The following TMPRSS11F variants were observed in gnomAD, a reference collection of about 807,000 sequenced individuals.
TMPRSS11F encodes transmembrane serine protease 11F.
Under a neutral mutation model 60.2 loss-of-function variants are expected in TMPRSS11F, and 47 were observed. That is an observed-to-expected ratio of 0.78 (90% CI 0.62 to 1.00). The LOEUF is 1.00. Among genes scored for constraint, TMPRSS11F ranks in the 50% least tolerant of loss-of-function variants. The probability of loss-of-function intolerance (pLI) is 0.00; values close to 1 mark genes in which losing one functional copy is unlikely to be tolerated. For synonymous variants in TMPRSS11F, 166 were observed against 167.3 expected (o/e 0.99, Z 0.06); for missense variants, 519 against 522.9 (o/e 0.99, Z 0.07).
chr4:68,106,720 G>A (rs1180541976), intron 1 of TMPRSS11F, among the ~76,000 whole-genome samples: 1 of 152,142 alleles, frequency 6.6e-6, no homozygotes, highest in Non-Finnish European at 1.5e-5. Flanking sequence ...GGCAGAAATT[G>A]CATAGCATCC....
chr4:68,128,392 C>T (rs568232893), intron 1 of TMPRSS11F, among the ~76,000 whole-genome samples: 1 of 152,106 alleles, frequency 6.6e-6, no homozygotes, highest in African/African-American at 2.4e-5. Context: ...GTGCTATGTA[C>T]CCCATAAATA....
intron 3 of TMPRSS11F, 120 bp from the exon 4 acceptor site, chr4:68,074,129 G>T (rs1290344529): frequency 3.7e-6 from 2 of 545,886 alleles, no homozygotes; most frequent in Non-Finnish European, 6.1e-6. Context: ...TAGAGACTTG[G>T]GCAAAAAAAT....
At chr4:68,062,489 A>C in intron 8 of TMPRSS11F, 1 of 691,074 alleles carries the variant, frequency 1.4e-6, no homozygotes, top group East Asian at 2.8e-5. Flanking sequence ...AGAAACAGTA[A>C]TGTTGTAATT....
At chr4:68,061,996 CTA>C (rs1372444701) in intron 8 of TMPRSS11F, 4 of 453,048 alleles carry the variant, frequency 8.8e-6, no homozygotes, top group African/African-American at 2.0e-5. Flanking sequence ...CACAATGAAA[CTA>C]AGTGCACAAA....
chr4:68,092,679 C>A (rs1023116358), intron 2 of TMPRSS11F, among the ~76,000 whole-genome samples: 2 of 151,882 alleles, frequency 1.3e-5, no homozygotes, highest in Admixed American at 6.6e-5. Context: ...AGCTATTTCT[C>A]AAGGCACATC....
intron 3 of TMPRSS11F, chr4:68,080,089 C>T (rs1723660974): frequency 6.6e-6 from 1 of 152,230 alleles, no homozygotes; most frequent in Non-Finnish European, 1.5e-5. Flanking sequence ...AAAACACCAA[C>T]AAAACTGATT....
chr4:68,094,423 T>G, intron 2 of TMPRSS11F, among the ~76,000 whole-genome samples: 1 of 122,320 alleles, frequency 8.2e-6, no homozygotes, highest in African/African-American at 2.9e-5. Flanking sequence ...GGGGGAGGGA[T>G]AGCATTGGGA....
At chr4:68,072,579 G>T in intron 4 of TMPRSS11F, 93 bp from the exon 5 acceptor site, 1 of 939,416 alleles carries the variant, frequency 1.1e-6, no homozygotes, top group Non-Finnish European at 1.5e-6. Flanking sequence ...AAAACATAAT[G>T]CATGATACAT....
intron 8 of TMPRSS11F, chr4:68,063,214 T>TATAG (rs1723239754): frequency 3.4e-6 from 2 of 587,326 alleles, no homozygotes; most frequent in Non-Finnish European, 6.7e-6. Flanking sequence ...GATACTTTTC[T>TATAG]AAAACAGGTA....
At chr4:68,128,773 A>G (rs1474265521) in intron 1 of TMPRSS11F, among the ~76,000 whole-genome samples, 1 of 152,052 alleles carries the variant, frequency 6.6e-6, no homozygotes, top group African/African-American at 2.4e-5. Context: ...ACTTTGTTGT[A>G]TTTAGTAAGA....
chr4:68,111,975 T>C (rs1724417473), intron 1 of TMPRSS11F, among the ~76,000 whole-genome samples: 1 of 152,204 alleles, frequency 6.6e-6, no homozygotes, highest in South Asian at 2.1e-4. Context: ...ACTTACTTAA[T>C]TATCACAATG....
chr4:68,095,873 G>T (rs894278364), intron 2 of TMPRSS11F, among the ~76,000 whole-genome samples: 1 of 113,658 alleles, frequency 8.8e-6, no homozygotes, highest in Non-Finnish European at 1.7e-5. Flanking sequence ...TACAGGCTAG[G>T]CAACAGAGCA....
intron 3 of TMPRSS11F, among the ~76,000 whole-genome samples, chr4:68,083,224 C>T (rs192218227): frequency 2.6e-5 from 4 of 152,156 alleles, no homozygotes; most frequent in South Asian, 2.1e-4. Flanking sequence ...CTCTTGGCAA[C>T]CTAATCTTTA....
At chr4:68,084,424 C>T (rs892797630) in intron 3 of TMPRSS11F, among the ~76,000 whole-genome samples, 13 of 152,076 alleles carry the variant, frequency 8.5e-5, no homozygotes, top group East Asian at 3.9e-4. Flanking sequence ...GCTACAGAGA[C>T]GGGTCAGGTC....
intron 3 of TMPRSS11F, among the ~76,000 whole-genome samples, chr4:68,075,460 T>G (rs1365429964): frequency 6.6e-6 from 1 of 152,144 alleles, no homozygotes; most frequent in Non-Finnish European, 1.5e-5. Flanking sequence ...TGGCCCCTAC[T>G]TTGCCCCATC....
chr4:68,085,529 C>A (rs1723793903), intron 3 of TMPRSS11F, among the ~76,000 whole-genome samples: 1 of 152,140 alleles, frequency 6.6e-6, no homozygotes, highest in Non-Finnish European at 1.5e-5. Context: ...CAATCATCTA[C>A]AAAACAATCA....
At chr4:68,088,149 T>G (rs1453680118) in intron 3 of TMPRSS11F, among the ~76,000 whole-genome samples, 1 of 151,694 alleles carries the variant, frequency 6.6e-6, no homozygotes, top group Non-Finnish European at 1.5e-5. Flanking sequence ...AGGAAACCCA[T>G]CTCATGTGCA....
chr4:68,106,287 T>C lies in TMPRSS11F; in HGVS notation c.12-7249A>G, dbSNP rs184566053. 7.6e-4 allele frequency among the ~76,000 whole-genome samples: 116 copies of C among 152,288 alleles called. 2 individuals are homozygous for C. The East Asian group carries it at 0.021, about 27-fold the overall frequency. On this transcript the variant is annotated intron_variant, in intron 1 of 9. Transcript: ENST00000356291. The stretch of plus-strand genomic sequence containing the variant: ...GAGATCTCTTTCTATGGTAGGTCTA[T>C]TGGCAATATTGGAAAGCATGAGTCA...
At chr4:68,113,695 A>G (rs1724457267) in intron 1 of TMPRSS11F, among the ~76,000 whole-genome samples, 1 of 152,214 alleles carries the variant, frequency 6.6e-6, no homozygotes, top group South Asian at 2.1e-4. Flanking sequence ...AGTTTAAGAC[A>G]TCAACACTCT....
Sources: allele counts gnomAD v4.1 joint callset (sites outside exome capture counted in the v4.1 genomes callset), GRCh38; gene constraint gnomAD v4.1.1; transcripts MANE v1.5; gene names NCBI Gene and HGNC (gene_info 2026-07-23, HGNC 2026-07-21).